Variants in OVCH1 observed in about 807,000 individuals in gnomAD.
OVCH1 encodes the protein ovochymase-1.
Under a neutral mutation model 138.4 loss-of-function variants are expected in OVCH1, and 139 were observed. The observed-to-expected ratio is 1.00, with a 90% CI of 0.87 to 1.16. OVCH1 has a LOEUF of 1.16. Ranked by LOEUF, OVCH1 falls within the 50% of genes most tolerant of loss-of-function variation. The pLI, the probability that OVCH1 is intolerant of heterozygous loss-of-function variation, is 0.00. For synonymous variants in OVCH1, 453 were observed against 467.8 expected (o/e 0.97, Z 0.41); for missense variants, 1,367 against 1,357.9 (o/e 1.01, Z -0.11).
intron 16 of OVCH1, 125 bp downstream of exon 16, chr12:29,471,677 A>T: frequency 8.8e-7 from 1 of 1,141,988 alleles, no homozygotes; most frequent in Non-Finnish European, 1.2e-6. Context: ...TATGCAGAAG[A>T]AACACTAAAA....
Position 29,473,121 on chromosome 12 carries a change from A to T in OVCH1, c.1601-18T>A, listed in dbSNP as rs77898618. The stretch of plus-strand genomic sequence containing the variant: ...TAAAGACTCTGTAGAAGAAAAAAAA[A>T]TTAATTGAAAGTAATTAGAGAAGTT... On this transcript the variant is annotated intron_variant, in intron 14 of 27. Transcript: ENST00000318184. 36 of 1,549,866 alleles carry T rather than the reference A, an allele frequency of 2.3e-5. No homozygotes were observed. Among genetic ancestry groups the T allele is most frequent in the Middle Eastern group, 1.7e-4 (1 of 5,964 alleles).
intron 19 of OVCH1, among the ~76,000 whole-genome samples, chr12:29,461,433 A>C (rs1352328563): frequency 6.6e-6 from 1 of 152,244 alleles, no homozygotes; most frequent in Non-Finnish European, 1.5e-5. Context: ...GTGGAAAATT[A>C]AGTGAGAGTA....
chr12:29,480,996 A>ATC (rs1163159796), intron 8 of OVCH1, among the ~76,000 whole-genome samples: 3 of 152,146 alleles, frequency 2.0e-5, no homozygotes, highest in Non-Finnish European at 2.9e-5. Flanking sequence ...CTGAATTGAA[A>ATC]GAGTTCTTCC....
downstream of OVCH1, among the ~76,000 whole-genome samples, chr12:29,424,916 T>C (rs1941158349): frequency 6.6e-6 from 1 of 152,222 alleles, no homozygotes; most frequent in Non-Finnish European, 1.5e-5. Flanking sequence ...ATTAGACAGA[T>C]GGTTTTTGAA....
chr12:29,448,570 G>A (rs1027263295), intron 22 of OVCH1, among the ~76,000 whole-genome samples: 2 of 152,062 alleles, frequency 1.3e-5, no homozygotes, highest in Non-Finnish European at 2.9e-5. Context: ...TGATGGAGAG[G>A]CAGTCTTCCA....
intron 26 of OVCH1, among the ~76,000 whole-genome samples, chr12:29,434,067 A>C (rs1047615115): frequency 6.6e-6 from 1 of 152,234 alleles, no homozygotes; most frequent in Non-Finnish European, 1.5e-5. Flanking sequence ...ACCCGTTTTC[A>C]TAATGCTATT....
intron 26 of OVCH1, chr12:29,439,215 C>A: frequency 9.8e-7 from 1 of 1,016,792 alleles, no homozygotes; most frequent in Non-Finnish European, 1.3e-6. Context: ...AAGTCCTTTG[C>A]CTTTAGAAGC....
At chr12:29,403,536 G>A in the OVCH1 span, among the ~76,000 whole-genome samples, 1 of 152,100 alleles carries the variant, frequency 6.6e-6, no homozygotes, top group Non-Finnish European at 1.5e-5. Flanking sequence ...GACAGACTTT[G>A]GCATCTAGAC....
the OVCH1 span, among the ~76,000 whole-genome samples, chr12:29,402,955 TCAAGGTTCATTAGA>T: frequency 1.3e-5 from 2 of 152,226 alleles, no homozygotes; most frequent in African/African-American, 4.8e-5. Flanking sequence ...AACTTTTAAA[TCAAGGTTCATTAGA>T]CAAAGATTAT....
At chr12:29,492,187 C>A (rs1242694265) in intron 4 of OVCH1, among the ~76,000 whole-genome samples, 1 of 151,902 alleles carries the variant, frequency 6.6e-6, no homozygotes, top group Non-Finnish European at 1.5e-5. Context: ...TGAGCAAAGT[C>A]TTGAAGCTGA....
At chr12:29,414,750 A>C (rs1258883108) in intron 3 of OVCH1, among the ~76,000 whole-genome samples, 1 of 152,174 alleles carries the variant, frequency 6.6e-6, no homozygotes, top group Non-Finnish European at 1.5e-5. Flanking sequence ...AAAAAAATAT[A>C]TATACAAGGA....
chr12:29,458,583 G>A (rs11609415), intron 19 of OVCH1, among the ~76,000 whole-genome samples: 1 of 151,960 alleles, frequency 6.6e-6, no homozygotes, highest in African/African-American at 2.4e-5. Flanking sequence ...ATTCTGGACT[G>A]GACAAAGATT....
chr12:29,495,311 A>T, exon 4 of OVCH1: 1 of 1,612,396 alleles, frequency 6.2e-7, no homozygotes, highest in Non-Finnish European at 8.5e-7. Flanking sequence ...TTTTAGATAC[A>T]GCAGTGCAAT....
In OVCH1 at chr12:29,451,573, C is replaced by T; in HGVS notation, c.2531-4G>A. On this transcript the variant is annotated splice_polypyrimidine_tract_variant and splice_region_variant and intron_variant, in intron 21 of 27. Transcript: ENST00000318184. The stretch of plus-strand genomic sequence containing the variant: ...AGCTCTGCTTCAGAGCAACAACCTG[C>T]AATTCAGAACACACAGACACCAGGG... 2 of 1,602,420 alleles carry T rather than the reference C, an allele frequency of 1.2e-6. No homozygotes were observed.
At position 29,485,870 on chromosome 12, in the gene OVCH1, G is replaced by A. The variant is rs1340978386; in HGVS notation, c.995+376C>T. ...AGGCAGGAGAATCGCTTGAACCCAG[G>A]AGGCAGAGGTTGCAGTGAGCAGAGA... On this transcript the variant is annotated intron_variant, in intron 8 of 27. Transcript: ENST00000318184. 4.0e-5 allele frequency among the ~76,000 whole-genome samples: 6 copies of A among 151,546 alleles called. No homozygotes were observed. In the South Asian group the frequency reaches 6.3e-4, roughly 16 times the overall value.
chr12:29,409,001 A>G (rs912013663), downstream of OVCH1, among the ~76,000 whole-genome samples: 2 of 152,106 alleles, frequency 1.3e-5, no homozygotes, highest in Non-Finnish European at 2.9e-5. Flanking sequence ...TTATTGGTCT[A>G]TTCAGAGATT....
exon 26 of OVCH1, chr12:29,439,419 G>T: frequency 6.6e-7 from 1 of 1,521,694 alleles, no homozygotes; most frequent in African/African-American, 1.4e-5. Flanking sequence ...CATTGCCAGA[G>T]TTCCAGCGAA....
chr12:29,420,435 C>T (rs1941086608), intron 3 of OVCH1, among the ~76,000 whole-genome samples: 1 of 148,062 alleles, frequency 6.8e-6, no homozygotes, highest in Non-Finnish European at 1.5e-5. Context: ...AAAGAGAGGG[C>T]AGCATTGTTA....
chr12:29,476,347 G>C, intron 12 of OVCH1, 48 bp from the exon 13 acceptor site: 1 of 1,470,250 alleles, frequency 6.8e-7, no homozygotes, highest in Non-Finnish European at 9.5e-7. Flanking sequence ...GAAGAGAAGA[G>C]AGAAGCTTAA....
Sources: gnomAD v4.1 joint callset for allele counts (sites outside exome capture counted in the v4.1 genomes callset) on GRCh38, gnomAD v4.1.1 for gene constraint, MANE v1.5 for transcripts, NCBI Gene and HGNC (gene_info 2026-07-23, HGNC 2026-07-21) for gene names.